The following HMCN2 variants were observed in gnomAD, a reference collection of about 807,000 sequenced individuals.
The protein encoded by HMCN2 is hemicentin 2.
Under a neutral mutation model 377.5 loss-of-function variants are expected in HMCN2, and 325 were observed. The ratio of observed to expected loss-of-function variants is 0.86; its 90% CI spans 0.79 to 0.94. HMCN2 has a LOEUF of 0.94. Ranked by LOEUF, HMCN2 falls within the 40% of genes least tolerant of loss-of-function variation. HMCN2 has a pLI of 0.00. For missense variants in HMCN2, 4,543 were observed against 4,725.3 expected (o/e 0.96, Z 1.13); for synonymous variants, 2,007 against 2,046.8 (o/e 0.98, Z 0.53).
chr9:130,267,509 G>T (rs1834184178), intron 1 of HMCN2, among the ~76,000 whole-genome samples: 2 of 151,876 alleles, frequency 1.3e-5, no homozygotes, highest in African/African-American at 2.4e-5. Flanking sequence ...GTACTGCAGA[G>T]TGTTCTTGTG....
rs1189638297 is a variant in HMCN2, at chr9:130,369,695, G to A, written c.6913G>A (p.Gly2305Ser). The change falls in exon 45 of 98, where the codon GGC (glycine) becomes AGC (serine). Residue 2305 changes from glycine to serine, a missense_variant. Gly to Ser is a moderately conservative substitution (Grantham distance 56). Coordinates refer to ENST00000683500, the MANE Select transcript of HMCN2 (RefSeq NM_001291815.2). This position sits in a 1 kb window ranked among gnomAD's most constrained non-coding sequence, Gnocchi z 4.5. ...TCCGACAGTGACATGGGAGCGGGAC[G>A]GCCAGCCCGTGGGGGCTGAACTGGG... ...PPPTVTWERD[G>S]QPVGAELGLQ... 5.1e-6 allele frequency: 5 copies of A among 985,940 alleles called. No homozygotes were observed. The highest frequency in any genetic ancestry group is 6.0e-6 in the Non-Finnish European group (5 of 830,098). 61.1% of individuals were successfully genotyped at this position (985,940 alleles called of 1,614,324 possible).
At chr9:130,402,407 G>A (rs1162435490) in intron 77 of HMCN2, among the ~76,000 whole-genome samples, 1 of 152,256 alleles carries the variant, frequency 6.6e-6, no homozygotes, top group Non-Finnish European at 1.5e-5. Context: ...GCTTCCTAGA[G>A]GAGGTGAGTT....
In HMCN2 at chr9:130,429,405, AGGTGC is replaced by A. The variant is rs1259887318; in HGVS notation, c.14198-151_14198-147del. 4.7e-6 allele frequency: 4 copies of A among 852,940 alleles called. No individual in the cohort carries two copies. The East Asian group carries it at 1.1e-4, about 23-fold the overall frequency. 52.8% of individuals were successfully genotyped at this position (852,940 alleles called of 1,614,324 possible). A position where few individuals can be genotyped will look rare whatever the true frequency, so the allele number is the denominator to read the frequency against. On this transcript the variant is annotated intron_variant, in intron 93 of 97. Transcript: ENST00000683500. ...ACCTCCAACCTGGTATAACTGGGGG[AGGTGC>A]TGTGAGGGCGGCCATGCAGCCTGGT... is the stretch of plus-strand genomic sequence containing the variant.
chr9:130,346,343 A>G (rs1564800383), intron 25 of HMCN2, among the ~76,000 whole-genome samples: 1 of 152,086 alleles, frequency 6.6e-6, no homozygotes, highest in Non-Finnish European at 1.5e-5. Context: ...CCGTGAATGA[A>G]AGCTCCACTC....
In HMCN2 at chr9:130,368,289, C is replaced by T. The variant is rs1040672398; in HGVS notation, c.6639C>T (p.Pro2213=). ...TCCTGCACCCAGGTCAACCCCTCCC[C>T]GGGGAGGGGGCTGGCCTCCAGCACG... ...ISWRKDGQPL[P]GEGAGLQHVS... is the part of the protein sequence containing the mutation. The change falls in exon 44 of 98, where the codon CCC becomes CCT. Residue 2213 remains proline, a synonymous_variant. Transcript: ENST00000683500. 3.7e-5 allele frequency: 36 copies of T among 985,712 alleles called. No individual in the cohort carries two copies. The East Asian group carries it at 1.5e-3, about 41-fold the overall frequency. The allele number at this position is 985,712 out of a possible 1,614,324, so 61.1% of individuals were successfully genotyped here.
At chr9:130,429,772 A>G (rs1844627673) in intron 94 of HMCN2, 87 bp downstream of exon 94, 2 of 1,445,818 alleles carry the variant, frequency 1.4e-6, no homozygotes, top group Non-Finnish European at 1.8e-6. Flanking sequence ...CTGCCTAGTT[A>G]CGGGGACACC....
chr9:130,279,892 C>G (rs1159499266), intron 1 of HMCN2, among the ~76,000 whole-genome samples: 1 of 152,152 alleles, frequency 6.6e-6, no homozygotes, highest in Non-Finnish European at 1.5e-5. Flanking sequence ...TCCAGGTGAG[C>G]CCTTTATAAT....
chr9:130,360,698 C>A lies in HMCN2; in HGVS notation c.5950+94C>A. ...CTGTCCATCCACCTGTCCACTCATC[C>A]ATCCATCTACCACCCCATCCATCCG... On this transcript the variant is annotated intron_variant, in intron 38 of 97. Coordinates refer to ENST00000683500, the MANE Select transcript of HMCN2 (RefSeq NM_001291815.2). The surrounding 1 kb of genome is among the most constrained non-coding windows in gnomAD (Gnocchi z 4.7). 2 of 652,136 alleles carry A rather than the reference C, an allele frequency of 3.1e-6. No individual in the cohort carries two copies. The highest frequency in any genetic ancestry group is 4.5e-6 in the Non-Finnish European group (2 of 442,528). The allele number at this position is 652,136 out of a possible 1,614,324, so 40.4% of individuals were successfully genotyped here. A position where few individuals can be genotyped will look rare whatever the true frequency, so the allele number is the denominator to read the frequency against.
rs1483879915 is a variant in HMCN2, at chr9:130,408,845, T to C, written c.12791T>C (p.Ile4264Thr). 1 of 1,289,610 alleles carries C rather than the reference T, an allele frequency of 7.8e-7. No individual in the cohort carries two copies. Among genetic ancestry groups the C allele is most frequent in the African/African-American group, 1.5e-5 (1 of 65,838 alleles). The allele number at this position is 1,289,610 out of a possible 1,614,324, so 79.9% of individuals were successfully genotyped here. Residue 4264 changes from isoleucine (I) to threonine (T), a missense_variant, in exon 84 of 98, where the codon ATC becomes ACC. Around this residue, in one of 5 missense-constraint regions of HMCN2, gnomAD observed 1,073 missense variants for 1,319.5 expected, o/e 0.81. Coordinates refer to ENST00000683500, the MANE Select transcript of HMCN2 (RefSeq NM_001291815.2). ...GTGCGTGGAGACCCAGTGCCGGACATCCACTGGATCAAAGATGGCCTTCCA... is the reference window on the plus strand; with the variant it reads ...GTGCGTGGAGACCCAGTGCCGGACACCCACTGGATCAAAGATGGCCTTCCA... Reference protein sequence around the residue: ...CVVRGDPVPDIHWIKDGLPLR... With the variant: ...CVVRGDPVPDTHWIKDGLPLR...
rs927076833 is a variant in HMCN2, at chr9:130,383,455, G to A, written c.8734-49G>A. On this transcript the variant is annotated intron_variant, in intron 56 of 97. Transcript: ENST00000683500. ...CGCAGTCATTCCTGGGGGTGGTGGT[G>A]TCCAAGGGGTCTCAGGTATCTCCCA... is the stretch of plus-strand genomic sequence containing the variant. 13 of 873,838 alleles carry A rather than the reference G, an allele frequency of 1.5e-5. No individual in the cohort carries two copies. In the African/African-American group the frequency reaches 2.0e-4, roughly 13 times the overall value. 54.1% of individuals were successfully genotyped at this position (873,838 alleles called of 1,614,324 possible).
intron 5 of HMCN2, among the ~76,000 whole-genome samples, chr9:130,295,461 A>G (rs1836074585): frequency 6.6e-6 from 1 of 152,056 alleles, no homozygotes; most frequent in African/African-American, 2.4e-5. Context: ...ACCCAGGTCT[A>G]GAGGCCGGGC....
rs912736408 is a variant in HMCN2, at chr9:130,407,676, C to T, written c.12659C>T (p.Thr4220Met). 7 of 1,259,792 alleles carry T rather than the reference C, an allele frequency of 5.6e-6. No homozygotes were observed. Among genetic ancestry groups the T allele is most frequent in the South Asian group, 2.5e-5 (2 of 78,724 alleles). 78.0% of individuals were successfully genotyped at this position (1,259,792 alleles called of 1,614,324 possible). Residue 4220 changes from threonine (T) to methionine (M), a missense_variant, in exon 83 of 98, where the codon ACG becomes ATG. Thr to Met is a moderately conservative substitution (Grantham distance 81, BLOSUM62 -1). This residue lies in a region of HMCN2 where 1,073 missense variants were observed against 1,319.5 expected (regional missense o/e 0.81). Transcript: ENST00000683500. ...VCWAENRVGR[T>M]QAVSFVHVKE... ...TGGGCGGAGAACAGAGTGGGCCGCA[C>T]GCAGGCGGTCAGCTTCGTCCACGTG...
rs575875946 is a variant in HMCN2, at chr9:130,365,828, C to T, written c.6506-48C>T. 96 of 983,556 alleles carry T rather than the reference C, an allele frequency of 9.8e-5. 1 individual carries two copies. In the South Asian group the frequency reaches 4.0e-3, roughly 41 times the overall value. 60.9% of individuals were successfully genotyped at this position (983,556 alleles called of 1,614,324 possible). A position where few individuals can be genotyped will look rare whatever the true frequency, so the allele number is the denominator to read the frequency against. On this transcript the variant is annotated intron_variant, in intron 42 of 97. Transcript: ENST00000683500. ...CCTGCCCTCGCCTTGCTCATCCCCT[C>T]CCCATCTCAGCCCCACCCCCACTAA...
chr9:130,426,187 A>G (rs1844351673), intron 90 of HMCN2, among the ~76,000 whole-genome samples: 1 of 152,180 alleles, frequency 6.6e-6, no homozygotes, highest in Non-Finnish European at 1.5e-5. Flanking sequence ...CCCAGGGTGA[A>G]GGTCCAACCA....
At chr9:130,310,953 T>C (rs1166298047) in intron 15 of HMCN2, among the ~76,000 whole-genome samples, 1 of 152,188 alleles carries the variant, frequency 6.6e-6, no homozygotes, top group African/African-American at 2.4e-5. Flanking sequence ...TAGTGATTGC[T>C]TAGTAAATGC....
intron 25 of HMCN2, among the ~76,000 whole-genome samples, chr9:130,346,317 G>T (rs1839389813): frequency 1.3e-5 from 2 of 152,290 alleles, no homozygotes; most frequent in African/African-American, 4.8e-5. Flanking sequence ...CTCTGGGCAG[G>T]TTCTGTCCTT....
At chr9:130,363,570 C>T (rs1291717226) in intron 40 of HMCN2, among the ~76,000 whole-genome samples, 2 of 152,000 alleles carry the variant, frequency 1.3e-5, no homozygotes, top group African/African-American at 4.8e-5. Flanking sequence ...GCCTGTAATC[C>T]CAGCACTTTG....
chr9:130,433,527 C>T lies in HMCN2; in HGVS notation c.15074C>T (p.Pro5025Leu), dbSNP rs1184304898. ...RTELSMLEPD[P>L]RSPFALRPLR... ...GAGCTCAGCATGCTGGAGCCCGACC[C>T]CCGCAGCCCCTTCGCGCTGCGTCCG... is the stretch of plus-strand genomic sequence containing the variant. Residue 5025 changes from proline (P) to leucine (L), a missense_variant, in exon 98 of 98, where the codon CCC (proline) becomes CTC (leucine). Physicochemically the swap from Pro to Leu is moderately conservative, Grantham distance 98. Around this residue, in one of 5 missense-constraint regions of HMCN2, gnomAD observed 1,155 missense variants for 1,157.7 expected, o/e 1.00. Transcript: ENST00000683500. 1.1e-5 allele frequency: 16 copies of T among 1,474,524 alleles called. No individual in the cohort carries two copies. Among genetic ancestry groups the T allele is most frequent in the African/African-American group, 4.4e-5 (3 of 67,566 alleles). The allele number at this position is 1,474,524 out of a possible 1,614,324, so 91.3% of individuals were successfully genotyped here.
intron 22 of HMCN2, among the ~76,000 whole-genome samples, chr9:130,334,740 T>TTCTCTC (rs1838635086): frequency 1.6e-5 from 2 of 122,648 alleles, no homozygotes; most frequent in African/African-American, 5.8e-5. Context: ...TTCTCTCTCT[T>TTCTCTC]TCTCTTTCTC....
Sources: allele counts gnomAD v4.1 joint callset (sites outside exome capture counted in the v4.1 genomes callset), GRCh38; gene constraint gnomAD v4.1.1; regional missense constraint gnomAD v4.1.1; non-coding constraint Gnocchi (gnomAD v3.1); transcripts MANE v1.5; gene names NCBI Gene and HGNC (gene_info 2026-07-23, HGNC 2026-07-21).